Variants in SLC39A11 observed in about 807,000 individuals in gnomAD.
The protein encoded by SLC39A11 is solute carrier family 39 member 11, also known as zinc transporter ZIP11.
SLC39A11 carries 33 observed loss-of-function variants against 36.1 expected under a neutral mutation model. That is an observed-to-expected ratio of 0.91 (90% CI 0.69 to 1.22). SLC39A11 has a LOEUF of 1.22. Ranked by LOEUF, SLC39A11 falls within the 50% of genes most tolerant of loss-of-function variation. The pLI is 0.00. For missense variants in SLC39A11, 432 were observed against 430.3 expected (o/e 1.00, Z -0.03); for synonymous variants, 166 against 170.3 (o/e 0.97, Z 0.20).
intron 7 of SLC39A11, among the ~76,000 whole-genome samples, chr17:72,690,700 C>A (rs1016874912): frequency 1.3e-5 from 2 of 152,160 alleles, no homozygotes. Context: ...ATCGGAGACA[C>A]CAGATGCACC....
At chr17:73,012,669 G>A (rs1318778182) in intron 4 of SLC39A11, among the ~76,000 whole-genome samples, 3 of 152,050 alleles carry the variant, frequency 2.0e-5, no homozygotes, top group Non-Finnish European at 4.4e-5. Context: ...TACCCAGTAG[G>A]TAGTTTTGCT....
At chr17:72,994,460 A>G (rs2089377694) in intron 4 of SLC39A11, among the ~76,000 whole-genome samples, 1 of 152,226 alleles carries the variant, frequency 6.6e-6, no homozygotes, top group Non-Finnish European at 1.5e-5. Flanking sequence ...AGCAGCAAGT[A>G]GCAACAGGGA....
intron 6 of SLC39A11, among the ~76,000 whole-genome samples, chr17:72,848,069 T>C (rs1289648170): frequency 6.6e-6 from 1 of 152,202 alleles, no homozygotes; most frequent in Non-Finnish European, 1.5e-5. Context: ...AGGAGTATCA[T>C]CGATGCCAAC....
chr17:72,898,145 T>C (rs2082124709), intron 5 of SLC39A11, among the ~76,000 whole-genome samples: 1 of 152,120 alleles, frequency 6.6e-6, no homozygotes, highest in Non-Finnish European at 1.5e-5. Flanking sequence ...CATCTGGCAA[T>C]TTGGGGGCCA....
chr17:73,031,811 C>T, intron 3 of SLC39A11, 97 bp from the exon 4 acceptor site: 2 of 1,229,658 alleles, frequency 1.6e-6, no homozygotes, highest in Non-Finnish European at 2.3e-6. Flanking sequence ...TTGACCCCTA[C>T]AATTTCACAT....
chr17:72,958,239 A>G (rs1379294344), intron 4 of SLC39A11, among the ~76,000 whole-genome samples: 1 of 152,268 alleles, frequency 6.6e-6, no homozygotes, highest in African/African-American at 2.4e-5. Flanking sequence ...GCACTTTAAG[A>G]TGTGAAACTA....
chr17:72,838,159 G>T (rs901348045), intron 6 of SLC39A11: 1 of 403,618 alleles, frequency 2.5e-6, no homozygotes, highest in Non-Finnish European at 4.3e-6. Context: ...TAAAAAGATA[G>T]TGATGGTGGT....
intron 4 of SLC39A11, among the ~76,000 whole-genome samples, chr17:73,004,986 TTTTGTTTG>T (rs555751281): frequency 2.2e-3 from 339 of 152,066 alleles, no homozygotes; most frequent in African/African-American, 6.5e-3. Context: ...ACATGTCATG[TTTTGTTTG>T]TTTGTTTGTT....
chr17:72,967,975 C>T (rs1013380684), intron 4 of SLC39A11, among the ~76,000 whole-genome samples: 1 of 152,270 alleles, frequency 6.6e-6, no homozygotes, highest in African/African-American at 2.4e-5. Flanking sequence ...TTCACCACCC[C>T]CTCTCCTCCA....
chr17:73,003,161 A>G (rs2089915779), intron 4 of SLC39A11, among the ~76,000 whole-genome samples: 1 of 152,250 alleles, frequency 6.6e-6, no homozygotes, highest in Admixed American at 6.5e-5. Flanking sequence ...AAGCCCAGAC[A>G]CCTAAGCAAA....
rs138577525 is a variant in SLC39A11, at chr17:73,056,192, G to A, written c.148-24478C>T. 7.3e-3 allele frequency among the ~76,000 whole-genome samples: 1,097 copies of A among 150,710 alleles called. 5 individuals are homozygous for A. The highest frequency in any genetic ancestry group is 0.025 in the African/African-American group (1,029 of 41,038). On this transcript the variant is annotated intron_variant, in intron 3 of 9. Transcript: ENST00000255559. ...TTGTTTGTTTGTTTTTTTTTGAGAC[G>A]GAGTCTCGCTCTGTCACCCAGGCTG...
intron 6 of SLC39A11, among the ~76,000 whole-genome samples, chr17:72,746,275 C>A (rs2074932175): frequency 6.6e-6 from 1 of 152,140 alleles, no homozygotes; most frequent in African/African-American, 2.4e-5. Flanking sequence ...TGAACATCCA[C>A]ATGTACATTC....
chr17:72,890,938 C>A (rs1479648309), intron 5 of SLC39A11, among the ~76,000 whole-genome samples: 2 of 152,096 alleles, frequency 1.3e-5, no homozygotes, highest in African/African-American at 4.8e-5. Context: ...AGAATTTCAG[C>A]AAAATCATGA....
intron 7 of SLC39A11, among the ~76,000 whole-genome samples, chr17:72,695,862 C>G (rs954533733): frequency 4.6e-5 from 7 of 152,190 alleles, no homozygotes; most frequent in Non-Finnish European, 4.4e-5. Context: ...AGGAAGGGTC[C>G]TCCTTCCAGA....
rs1258892584 is a variant in SLC39A11 at position 72,900,181 on chromosome 17, G to GAA, written c.430+47569_430+47570dup. Among the ~76,000 whole-genome samples, 17 of 140,528 alleles carry GAA rather than the reference G, an allele frequency of 1.2e-4. 3 individuals carry two copies. Among genetic ancestry groups the GAA allele is most frequent in the African/African-American group, 4.0e-4 (14 of 35,118 alleles). 92.2% of individuals were successfully genotyped at this position (140,528 alleles called of 152,430 possible). A position where few individuals can be genotyped will look rare whatever the true frequency, so the allele number is the denominator to read the frequency against. Reference sequence around the variant, plus strand: ...AGAAAGAAAGAAAGAAAGAAAGAAAGAAAGAAAGAAAGAAAGAAAGAAAGA... The same window carrying GAA: ...AGAAAGAAAGAAAGAAAGAAAGAAAGAAAAAGAAAGAAAGAAAGAAAGAAAGA... On this transcript the variant is annotated intron_variant, in intron 5 of 9. Coordinates refer to ENST00000255559, the MANE Select transcript of SLC39A11 (RefSeq NM_139177.4).
chr17:72,853,201 T>G (rs1217779320), intron 5 of SLC39A11, among the ~76,000 whole-genome samples: 1 of 127,258 alleles, frequency 7.9e-6, no homozygotes, highest in Non-Finnish European at 1.7e-5. Flanking sequence ...TTTTTTTTTT[T>G]TTTTTCAGTA....
chr17:72,774,614 G>T (rs534336961), intron 6 of SLC39A11, among the ~76,000 whole-genome samples: 195 of 152,262 alleles, frequency 1.3e-3, no homozygotes, highest in Admixed American at 2.8e-3. Flanking sequence ...CCTGGAGGGG[G>T]ACTCTGATCT....
At chr17:72,834,545 C>A (rs1451872607) in intron 6 of SLC39A11, among the ~76,000 whole-genome samples, 1 of 152,084 alleles carries the variant, frequency 6.6e-6, no homozygotes, top group Non-Finnish European at 1.5e-5. Context: ...TAGGTTGAAC[C>A]TGGGAGGCGG....
At chr17:72,931,239 G>C (rs566645063) in intron 5 of SLC39A11, among the ~76,000 whole-genome samples, 1 of 152,318 alleles carries the variant, frequency 6.6e-6, no homozygotes, top group Non-Finnish European at 1.5e-5. Context: ...CAAGAAAAAA[G>C]ACAAGACGAG....
Sources: gnomAD v4.1 joint callset for allele counts (sites outside exome capture counted in the v4.1 genomes callset) on GRCh38, gnomAD v4.1.1 for gene constraint, MANE v1.5 for transcripts, NCBI Gene and HGNC (gene_info 2026-07-23, HGNC 2026-07-21) for gene names.